The following ADAM10 variants were observed in gnomAD, a reference collection of about 807,000 sequenced individuals.
ADAM10 encodes disintegrin and metalloproteinase domain-containing protein 10.
In ADAM10, 17 loss-of-function variants were observed where a neutral mutation model predicts 90.1. That is an observed-to-expected ratio of 0.19 (90% CI 0.13 to 0.28). The LOEUF (loss-of-function observed/expected upper bound fraction) is 0.28. Among genes scored for constraint, ADAM10 ranks in the 10% least tolerant of loss-of-function variants. ADAM10 has a pLI of 1.00. For synonymous variants in ADAM10, 310 were observed against 298.6 expected (o/e 1.04, Z -0.40); for missense variants, 610 against 914.3 (o/e 0.67, Z 4.29).
chr15:58,732,253 G>A (rs1329278297), intron 1 of ADAM10: 3 of 152,374 alleles, frequency 2.0e-5, no homozygotes, highest in Admixed American at 2.0e-4. Context: ...ACGGAGTAAA[G>A]CCTTAGGAGT....
intron 5 of ADAM10, 149 bp from the exon 6 acceptor site, chr15:58,646,353 T>G: frequency 1.2e-6 from 1 of 814,740 alleles, no homozygotes; most frequent in South Asian, 1.6e-5. Context: ...ATAAAATCAC[T>G]TTGTCTCATA....
intron 4 of ADAM10, 107 bp downstream of exon 4, chr15:58,679,017 A>C (rs190462138): frequency 1.8e-6 from 2 of 1,129,622 alleles, no homozygotes; most frequent in Non-Finnish European, 2.6e-6. Context: ...TTCTAGCCTG[A>C]TTAGTAACTC....
intron 15 of ADAM10, among the ~76,000 whole-genome samples, chr15:58,598,697 G>A (rs1167671757): frequency 1.3e-5 from 2 of 152,340 alleles, no homozygotes; most frequent in Admixed American, 6.5e-5. Flanking sequence ...CACCTGTAGA[G>A]AATAGCTACG....
Position 58,622,720 on chromosome 15 carries a change from G to T in ADAM10, c.1361-1099C>A, listed in dbSNP as rs181324540. On this transcript the variant is annotated intron_variant, in intron 10 of 15. Coordinates refer to ENST00000260408, the MANE Select transcript of ADAM10 (RefSeq NM_001110.4). ...CATCTAAGCATAGTGAATAATTTTAGAAAATTTCTTCAGCAGTCTTCTAAA... is the reference window on the plus strand; with the variant it reads ...CATCTAAGCATAGTGAATAATTTTATAAAATTTCTTCAGCAGTCTTCTAAA... Among the ~76,000 whole-genome samples, 1,464 of 152,248 alleles carry T rather than the reference G, an allele frequency of 9.6e-3. 65 individuals carry two copies. The highest frequency in any genetic ancestry group is 0.088 in the Admixed American group (1,345 of 15,292).
chr15:58,599,091 A>C (rs1299472778), intron 15 of ADAM10, among the ~76,000 whole-genome samples: 3 of 147,648 alleles, frequency 2.0e-5, no homozygotes, highest in African/African-American at 7.4e-5. Flanking sequence ...TAGGAGGCTA[A>C]AGTGGGGAGG....
chr15:58,648,454 T>C (rs768445368), intron 5 of ADAM10, among the ~76,000 whole-genome samples: 1 of 152,102 alleles, frequency 6.6e-6, no homozygotes, highest in Non-Finnish European at 1.5e-5. Context: ...TCTTAGCTAA[T>C]GGTGAAGTTT....
At chr15:58,605,064 C>T (rs894590853) in intron 14 of ADAM10, among the ~76,000 whole-genome samples, 1 of 152,122 alleles carries the variant, frequency 6.6e-6, no homozygotes, top group Non-Finnish European at 1.5e-5. Context: ...AAGAGCCATA[C>T]GAGTACACGC....
At chr15:58,639,095 A>T (rs1330364340) in intron 8 of ADAM10, among the ~76,000 whole-genome samples, 1 of 152,344 alleles carries the variant, frequency 6.6e-6, no homozygotes, top group East Asian at 1.9e-4. Context: ...TTTTAGTTTA[A>T]GATCACATAC....
intron 2 of ADAM10, among the ~76,000 whole-genome samples, chr15:58,684,443 T>C (rs1170102324): frequency 2.0e-5 from 3 of 152,188 alleles, no homozygotes. Context: ...AGCAATGGAA[T>C]TTCAGCCCTA....
Position 58,599,732 on chromosome 15 carries a change from T to C in ADAM10, c.2026-8A>G. 1.3e-6 allele frequency: 2 copies of C among 1,594,160 alleles called. No individual in the cohort carries two copies. The highest frequency in any genetic ancestry group is 8.5e-7 in the Non-Finnish European group (1 of 1,175,976). On this transcript the variant is annotated splice_region_variant and splice_polypyrimidine_tract_variant and intron_variant, in intron 14 of 15. Transcript: ENST00000260408. The stretch of plus-strand genomic sequence containing the variant: ...TACTGCCCACCAATGAGCCTAGAAA[T>C]AAACAGATTTTTCCACTGAAAAAAA...
At chr15:58,679,029 G>A (rs1440967079) in intron 4 of ADAM10, 95 bp downstream of exon 4, 4 of 1,254,120 alleles carry the variant, frequency 3.2e-6, no homozygotes, top group African/African-American at 1.5e-5. Flanking sequence ...TAGTAACTCA[G>A]GAAAGAAAAC....
intron 1 of ADAM10, among the ~76,000 whole-genome samples, chr15:58,734,821 C>T (rs563857098): frequency 3.8e-4 from 58 of 151,950 alleles, no homozygotes; most frequent in Non-Finnish European, 6.9e-4. Flanking sequence ...CAATGCAATA[C>T]TAAAGAAGAA....
At chr15:58,726,234 C>A (rs923533709) in intron 1 of ADAM10, among the ~76,000 whole-genome samples, 5 of 152,034 alleles carry the variant, frequency 3.3e-5, no homozygotes, top group African/African-American at 1.2e-4. Context: ...AGATATTGTA[C>A]ACTGAACAAC....
At chr15:58,731,330 T>C (rs1246842480) in intron 1 of ADAM10, among the ~76,000 whole-genome samples, 3 of 152,088 alleles carry the variant, frequency 2.0e-5, no homozygotes, top group African/African-American at 2.4e-5. Context: ...TTAAAGTATA[T>C]GGGAGGGGCC....
chr15:58,701,599 T>C (rs1207649710), intron 2 of ADAM10, among the ~76,000 whole-genome samples: 3 of 151,962 alleles, frequency 2.0e-5, no homozygotes, highest in African/African-American at 7.3e-5. Flanking sequence ...AAAACAAAAA[T>C]AGAATTACCA....
Position 58,610,380 on chromosome 15 carries a change from C to T in ADAM10, c.1942G>A (p.Val648Ile). 1 of 1,614,170 alleles carries T rather than the reference C, an allele frequency of 6.2e-7. No individual in the cohort carries two copies. Among genetic ancestry groups the T allele is most frequent in the Non-Finnish European group, 8.5e-7 (1 of 1,180,026 alleles). The change falls in exon 14 of 16, where the codon GTA becomes ATA. Residue 648 changes from valine to isoleucine, a missense_variant. This residue lies in a region of ADAM10 where 150 missense variants were observed against 268.5 expected (regional missense o/e 0.56). Transcript: ENST00000260408. ...CTAGCTAGAGGACCATCAGCATCTA[C>T]TAATCTGCACCGCATGAAAACATCA... ...YCDVFMRCRL[V>I]DADGPLARLK...
chr15:58,741,266 C>A (rs1360012636), intron 1 of ADAM10, among the ~76,000 whole-genome samples: 4 of 152,140 alleles, frequency 2.6e-5, no homozygotes, highest in Non-Finnish European at 5.9e-5. Flanking sequence ...GTTCATAGTT[C>A]ACATGAAATC....
chr15:58,717,328 C>G (rs754353430), intron 2 of ADAM10, among the ~76,000 whole-genome samples: 1 of 152,118 alleles, frequency 6.6e-6, no homozygotes, highest in African/African-American at 2.4e-5. Flanking sequence ...AAAGACATAT[C>G]TTTTACTAAT....
chr15:58,611,337 T>TA (rs1466923285), intron 12 of ADAM10: 21 of 504,416 alleles, frequency 4.2e-5, no homozygotes, highest in South Asian at 3.0e-4. Context: ...AATGGCAACT[T>TA]AAAAAAATGA....
Sources: gnomAD v4.1 joint callset for allele counts (sites outside exome capture counted in the v4.1 genomes callset) on GRCh38, gnomAD v4.1.1 for gene constraint, gnomAD v4.1.1 regional missense constraint, MANE v1.5 for transcripts, NCBI Gene and HGNC (gene_info 2026-07-23, HGNC 2026-07-21) for gene names.